Variants in XRN2 observed in about 807,000 individuals in gnomAD.
XRN2 encodes 5'-3' exoribonuclease 2, also known as DHM1-like protein.
In XRN2, 44 loss-of-function variants were observed where a neutral mutation model predicts 138.5. The observed-to-expected ratio is 0.32, with a 90% CI of 0.25 to 0.41. The LOEUF is 0.41. XRN2 is among the 10% of genes least tolerant of loss of function. The pLI is 1.00. For synonymous variants in XRN2, 354 were observed against 369.4 expected (o/e 0.96, Z 0.48); for missense variants, 937 against 1,169.3 (o/e 0.80, Z 2.90).
At chr20:21,317,808 C>T (rs202829) in intron 1 of XRN2, among the ~76,000 whole-genome samples, 20,864 of 152,188 alleles carry the variant, frequency 0.14, 1,774 homozygotes, top group Non-Finnish European at 0.19. Flanking sequence ...CATGATTGAT[C>T]TATTCCACAG....
chr20:21,356,854 G>T (rs747280501), intron 23 of XRN2, among the ~76,000 whole-genome samples, 189 bp downstream of exon 23: 8 of 152,146 alleles, frequency 5.3e-5, no homozygotes, highest in Non-Finnish European at 1.2e-4. Flanking sequence ...GTCACCTTGT[G>T]CAGGGAGCTC....
rs1162610318 is a variant in XRN2 at position 21,303,333 on chromosome 20, C to G, written c.-66C>G. Reference sequence around the variant, plus strand: ...GGGAGGAAGTGCTGGTGCCCTCTGCCGCTGCTCCCGTCTCTTTGGTTACGC... The same window carrying G: ...GGGAGGAAGTGCTGGTGCCCTCTGCGGCTGCTCCCGTCTCTTTGGTTACGC... On this transcript the variant is annotated 5_prime_UTR_variant, in exon 1 of 30. Transcript: ENST00000377191. The G allele has an allele frequency of 8.5e-6, 13 of 1,524,640 alleles. No individual in the cohort carries two copies. The highest frequency in any genetic ancestry group is 1.4e-5 in the African/African-American group (1 of 70,764). The allele number at this position is 1,524,640 out of a possible 1,614,324, so 94.4% of individuals were successfully genotyped here.
At chr20:21,379,661 T>G (rs1157572959) in intron 27 of XRN2, among the ~76,000 whole-genome samples, 1 of 152,214 alleles carries the variant, frequency 6.6e-6, no homozygotes, top group African/African-American at 2.4e-5. Flanking sequence ...TAGAAATGTT[T>G]GCTGTTTTTT....
chr20:21,338,938 G>A, intron 13 of XRN2, 106 bp from the exon 14 acceptor site: 1 of 1,017,368 alleles, frequency 9.8e-7, no homozygotes, highest in Non-Finnish European at 1.5e-6. Context: ...GATTTCTGGG[G>A]TCGTCCTTTA....
intron 26 of XRN2, among the ~76,000 whole-genome samples, chr20:21,366,814 A>G (rs1314097484): frequency 6.6e-6 from 1 of 152,204 alleles, no homozygotes; most frequent in Admixed American, 6.5e-5. Context: ...TAACTTTGAT[A>G]CTGCTCTGCT....
intron 1 of XRN2, among the ~76,000 whole-genome samples, chr20:21,314,736 A>G (rs1363087017): frequency 6.6e-6 from 1 of 151,642 alleles, no homozygotes; most frequent in Non-Finnish European, 1.5e-5. Context: ...GCACTATTTT[A>G]TATTCCCACC....
At chr20:21,308,367 AT>A (rs2037832267) in intron 1 of XRN2, among the ~76,000 whole-genome samples, 1 of 152,180 alleles carries the variant, frequency 6.6e-6, no homozygotes, top group Non-Finnish European at 1.5e-5. Context: ...GGGGAAAAAC[AT>A]TAGGAGTGAA....
chr20:21,376,812 G>C (rs942676848), intron 27 of XRN2, among the ~76,000 whole-genome samples: 3 of 152,192 alleles, frequency 2.0e-5, no homozygotes, highest in Non-Finnish European at 4.4e-5. Flanking sequence ...GAAGGAATAT[G>C]AAAGAATGTG....
intron 16 of XRN2, 103 bp downstream of exon 16, chr20:21,344,311 C>T: frequency 1.2e-6 from 1 of 801,310 alleles, no homozygotes; most frequent in Non-Finnish European, 2.1e-6. Context: ...AGATGCTTGC[C>T]TGTGATCTTT....
chr20:21,313,842 T>C (rs1425301255), intron 1 of XRN2, among the ~76,000 whole-genome samples: 1 of 152,230 alleles, frequency 6.6e-6, no homozygotes, highest in African/African-American at 2.4e-5. Context: ...AAGGTGGACA[T>C]TTATCCTTGA....
intron 27 of XRN2, among the ~76,000 whole-genome samples, chr20:21,371,092 AC>A (rs201072381): frequency 6.6e-6 from 1 of 152,124 alleles, no homozygotes; most frequent in African/African-American, 2.4e-5. Context: ...TGTTATAGAT[AC>A]CCCTCAGAGC....
intron 13 of XRN2, among the ~76,000 whole-genome samples, chr20:21,338,735 C>T (rs2038333192): frequency 6.6e-6 from 1 of 152,092 alleles, no homozygotes. Context: ...TCCATATTGA[C>T]AGCCTGTTTG....
intron 20 of XRN2, among the ~76,000 whole-genome samples, chr20:21,350,771 T>C (rs138652150): frequency 1.3e-5 from 2 of 152,238 alleles, no homozygotes; most frequent in African/African-American, 2.4e-5. Flanking sequence ...AATAATACAA[T>C]TTACAAATTG....
intron 17 of XRN2, 60 bp downstream of exon 17, chr20:21,346,610 T>TC: frequency 1.5e-5 from 24 of 1,572,682 alleles, no homozygotes; most frequent in Non-Finnish European, 2.0e-5. Context: ...AATAGTAATT[T>TC]CTTTTTTTTT....
At chr20:21,304,449 A>G (rs2037787065) in intron 1 of XRN2, among the ~76,000 whole-genome samples, 1 of 151,794 alleles carries the variant, frequency 6.6e-6, no homozygotes, top group Admixed American at 6.6e-5. Flanking sequence ...TCAAAAAGCA[A>G]CTGCTAAATT....
intron 1 of XRN2, among the ~76,000 whole-genome samples, chr20:21,309,964 C>T (rs74819409): frequency 0.045 from 6,841 of 152,112 alleles, 208 homozygotes; most frequent in East Asian, 0.13. Flanking sequence ...TGATTCTGCT[C>T]TTATATGTAT....
At position 21,354,833 on chromosome 20, in the gene XRN2, G is replaced by C; in HGVS notation, c.1981G>C (p.Ala661Pro). Residue 661 changes from alanine (A) to proline (P), a missense_variant, in exon 21 of 30, where the codon GCC becomes CCC. Transcript: ENST00000377191. The stretch of plus-strand genomic sequence containing the variant: ...CGTGGATGAGCGAAGGCTACGAGCT[G>C]CCCTAGAAGAGGTATACCCAGACCT... ...PFVDERRLRA[A>P]LEEVYPDLTP... is the part of the protein sequence containing the mutation. 1.2e-6 allele frequency: 2 copies of C among 1,613,964 alleles called. No homozygotes were observed. The highest frequency in any genetic ancestry group is 1.7e-6 in the Non-Finnish European group (2 of 1,179,936).
intron 1 of XRN2, among the ~76,000 whole-genome samples, chr20:21,318,862 G>A (rs558131869): frequency 5.9e-4 from 89 of 151,862 alleles, no homozygotes; most frequent in African/African-American, 1.7e-3. Flanking sequence ...AGCATATTTC[G>A]TGTACACCTG....
intron 13 of XRN2, among the ~76,000 whole-genome samples, chr20:21,338,586 A>G (rs1417415970): frequency 6.6e-6 from 1 of 152,224 alleles, no homozygotes; most frequent in Non-Finnish European, 1.5e-5. Flanking sequence ...CCCTTTTTAG[A>G]TAACAGAGTC....
Sources: allele counts gnomAD v4.1 joint callset (sites outside exome capture counted in the v4.1 genomes callset), GRCh38; gene constraint gnomAD v4.1.1; transcripts MANE v1.5; gene names NCBI Gene and HGNC (gene_info 2026-07-23, HGNC 2026-07-21).